Variants in DLC1 observed in about 807,000 individuals in gnomAD.
DLC1 encodes DLC1 Rho GTPase activating protein, also known as rho GTPase-activating protein 7.
In DLC1, 54 loss-of-function variants were observed where a neutral mutation model predicts 140.3. That is an observed-to-expected ratio of 0.38 (90% CI 0.31 to 0.48). The LOEUF (loss-of-function observed/expected upper bound fraction) is 0.48. Ranked by LOEUF, DLC1 falls within the 20% of genes least tolerant of loss-of-function variation. DLC1 has a pLI of 0.96. For missense variants in DLC1, 2,536 were observed against 1,907.0 expected, an observed-to-expected ratio of 1.33 and a Z score of -6.14; for synonymous variants, 986 against 728.1, an observed-to-expected ratio of 1.35 and a Z score of -5.70.
At position 13,600,564 on chromosome 8, in the gene DLC1, G is replaced by T. The variant is rs557449338; in HGVS notation, c.-126+3973C>A. On this transcript the variant is annotated intron_variant, in intron 1 of 1. Transcript: ENST00000631382. ...GTCATCTTCACCCAAATCACAATGT[G>T]GTACAGATGCAGTTGAAAAAAGAAA... Among the ~76,000 whole-genome samples the T allele has an allele frequency of 9.2e-5, 14 of 151,814 alleles. No individual in the cohort carries two copies. The East Asian group carries it at 2.7e-3, about 29-fold the overall frequency.
chr8:13,134,877 G>T (rs919788010), intron 5 of DLC1, among the ~76,000 whole-genome samples: 2 of 152,144 alleles, frequency 1.3e-5, no homozygotes, highest in Non-Finnish European at 2.9e-5. Context: ...AAAGGGTATG[G>T]GACTCCTCCG....
intron 1 of DLC1, among the ~76,000 whole-genome samples, chr8:13,526,661 C>G (rs887475314): frequency 6.6e-6 from 1 of 152,050 alleles, no homozygotes; most frequent in Non-Finnish European, 1.5e-5. Flanking sequence ...TCTGAGCAAA[C>G]TATCGCAAGG....
chr8:13,559,336 A>C (rs1026885788), intron 1 of DLC1: 2 of 152,266 alleles, frequency 1.3e-5, no homozygotes, highest in Non-Finnish European at 2.9e-5. Context: ...AAGGCTCTAA[A>C]GAAACAGTCT....
At chr8:13,338,552 T>C (rs552302512) in intron 4 of DLC1, 4 of 152,344 alleles carry the variant, frequency 2.6e-5, no homozygotes, top group Non-Finnish European at 5.9e-5. Context: ...AAATATTTAG[T>C]GAGCATTTAT....
intron 5 of DLC1, among the ~76,000 whole-genome samples, chr8:13,238,562 C>T (rs559551168): frequency 1.3e-4 from 17 of 131,964 alleles, no homozygotes; most frequent in Non-Finnish European, 2.1e-4. Context: ...AGCCTTTGCC[C>T]TGTGGGTGTG....
At chr8:13,279,417 T>G (rs1240211300) in intron 5 of DLC1, among the ~76,000 whole-genome samples, 1 of 152,268 alleles carries the variant, frequency 6.6e-6, no homozygotes, top group East Asian at 1.9e-4. Flanking sequence ...TTAGGTAGAA[T>G]GACCCACAGA....
At chr8:13,371,169 A>G (rs937132804) in intron 4 of DLC1, among the ~76,000 whole-genome samples, 1 of 152,112 alleles carries the variant, frequency 6.6e-6, no homozygotes, top group Non-Finnish European at 1.5e-5. Flanking sequence ...TTATCCAATA[A>G]GTTACTTTAT....
In DLC1 at chr8:13,091,429, T is replaced by C; in HGVS notation, c.3744A>G (p.Val1248=). Residue 1248 remains valine, a synonymous_variant, in exon 14 of 18, where the codon GTA becomes GTG. Transcript: ENST00000276297. ...TLKRENSSPR[V]MQRKQSLGKP... ...TGCCCAAACTTTGTTTTCTTTGCAT[T>C]ACCCTAGGTAGAAGAAATACAGGAG... is the stretch of plus-strand genomic sequence containing the variant. The C allele has an allele frequency of 6.2e-7, 1 of 1,613,556 alleles. No homozygotes were observed.
At chr8:13,199,049 A>G (rs1827226981) in intron 5 of DLC1, among the ~76,000 whole-genome samples, 1 of 152,000 alleles carries the variant, frequency 6.6e-6, no homozygotes, top group Non-Finnish European at 1.5e-5. Flanking sequence ...AGTTCCACAA[A>G]CATTTGCATG....
At chr8:13,436,948 G>A (rs370956555) in intron 2 of DLC1, among the ~76,000 whole-genome samples, 24 of 152,174 alleles carry the variant, frequency 1.6e-4, no homozygotes, top group African/African-American at 5.5e-4. Flanking sequence ...TAAGAGGAAT[G>A]GGAAAAAATG....
At chr8:13,108,012 T>A (rs927547758) in intron 7 of DLC1, among the ~76,000 whole-genome samples, 1 of 151,998 alleles carries the variant, frequency 6.6e-6, no homozygotes, top group Non-Finnish European at 1.5e-5. Flanking sequence ...GCCACTGTAC[T>A]CCAGCCTGAG....
At position 13,163,077 on chromosome 8, in the gene DLC1, C is replaced by T. The variant is rs180970751; in HGVS notation, c.1349-47420G>A. ...ACACCTGTACAGGCAGGCATACAAC[C>T]AGCACACATACATGAAGAGGCTGAA... is the stretch of plus-strand genomic sequence containing the variant. On this transcript the variant is annotated intron_variant, in intron 5 of 17. Coordinates refer to ENST00000276297, the MANE Select transcript of DLC1 (RefSeq NM_182643.3). Among the ~76,000 whole-genome samples the T allele has an allele frequency of 4.9e-4, 74 of 152,250 alleles. 2 individuals are homozygous for T. In the East Asian group the frequency reaches 0.013, roughly 26 times the overall value.
intron 5 of DLC1, among the ~76,000 whole-genome samples, chr8:13,162,308 A>T (rs1289453611): frequency 8.0e-6 from 1 of 124,840 alleles, no homozygotes; most frequent in African/African-American, 3.1e-5. Context: ...GGTAGTCTAC[A>T]GTTTGTTGTT....
intron 5 of DLC1, among the ~76,000 whole-genome samples, chr8:13,237,881 T>A (rs1829362205): frequency 6.7e-6 from 1 of 148,500 alleles, no homozygotes; most frequent in South Asian, 2.1e-4. Flanking sequence ...ACTTACCTAA[T>A]ACATATATTG....
At chr8:13,469,509 T>A (rs1035444714) in intron 2 of DLC1, among the ~76,000 whole-genome samples, 1 of 152,166 alleles carries the variant, frequency 6.6e-6, no homozygotes, top group Non-Finnish European at 1.5e-5. Context: ...TTGTGGCCAT[T>A]AAAAGCAAAA....
intron 4 of DLC1, 50 bp downstream of exon 4, chr8:13,393,503 G>A (rs780288855): frequency 2.4e-5 from 37 of 1,560,974 alleles, no homozygotes; most frequent in Non-Finnish European, 3.0e-5. Flanking sequence ...CTTACCTGAT[G>A]ATCATCAACA....
At chr8:13,550,748 C>T (rs1325811939) in intron 1 of DLC1, among the ~76,000 whole-genome samples, 1 of 152,028 alleles carries the variant, frequency 6.6e-6, no homozygotes, top group Non-Finnish European at 1.5e-5. Context: ...ACTGCAGTTA[C>T]TACTGGAATC....
intron 5 of DLC1, among the ~76,000 whole-genome samples, chr8:13,165,048 G>T (rs1477013465): frequency 1.3e-5 from 2 of 152,142 alleles, no homozygotes; most frequent in African/African-American, 4.8e-5. Flanking sequence ...TTTATGACTG[G>T]TTTCTGATTG....
At chr8:13,331,166 T>G (rs1833570616) in intron 4 of DLC1, among the ~76,000 whole-genome samples, 1 of 152,212 alleles carries the variant, frequency 6.6e-6, no homozygotes, top group Non-Finnish European at 1.5e-5. Flanking sequence ...ACTGGGACAC[T>G]ATACAGATTG....
Sources: allele counts gnomAD v4.1 joint callset (sites outside exome capture counted in the v4.1 genomes callset), GRCh38; gene constraint gnomAD v4.1.1; transcripts MANE v1.5; gene names NCBI Gene and HGNC (gene_info 2026-07-23, HGNC 2026-07-21).